Variants in CD200R1L observed in about 807,000 individuals in gnomAD.
CD200R1L encodes the protein CD200 receptor 1 like.
CD200R1L carries 14 observed loss-of-function variants against 24.8 expected under a neutral mutation model. The observed-to-expected ratio is 0.56, with a 90% confidence interval of 0.37 to 0.88. The LOEUF is 0.88. Ranked by LOEUF, CD200R1L falls within the 40% of genes least tolerant of loss-of-function variation. The pLI is 0.00. For synonymous variants in CD200R1L, 111 were observed against 109.2 expected, an observed-to-expected ratio of 1.02 and a Z score of -0.11; for missense variants, 299 against 297.8, an observed-to-expected ratio of 1.00 and a Z score of -0.03.
At chr3:112,834,915 A>C (rs1938895706) in intron 3 of CD200R1L, among the ~76,000 whole-genome samples, 1 of 152,238 alleles carries the variant, frequency 6.6e-6, no homozygotes, top group Non-Finnish European at 1.5e-5. Context: ...GGTGGTGCCC[A>C]GAAGCTTGGA....
intron 3 of CD200R1L, among the ~76,000 whole-genome samples, chr3:112,833,285 C>T (rs995955045): frequency 1.3e-5 from 2 of 152,108 alleles, no homozygotes; most frequent in African/African-American, 4.8e-5. Flanking sequence ...CCAGCCCTGA[C>T]AATAAGTTCA....
chr3:112,844,981 A>T (rs1939169095), intron 2 of CD200R1L, among the ~76,000 whole-genome samples: 1 of 152,116 alleles, frequency 6.6e-6, no homozygotes, highest in Admixed American at 6.6e-5. Flanking sequence ...GAAGAACTAG[A>T]AAAACAAGAA....
intron 2 of CD200R1L, 41 bp from the exon 3 acceptor site, chr3:112,838,051 AC>A: frequency 2.3e-6 from 2 of 878,960 alleles, no homozygotes; most frequent in Non-Finnish European, 3.1e-6. Flanking sequence ...AAAATTAAGA[AC>A]TTTTCTTTAC....
chr3:112,834,302 A>ACCTCGGCTC (rs1405111344), intron 3 of CD200R1L, among the ~76,000 whole-genome samples: 3 of 141,282 alleles, frequency 2.1e-5, no homozygotes, highest in Non-Finnish European at 4.5e-5. Flanking sequence ...CAGTGGCATG[A>ACCTCGGCTC]CCTCGGCTCA....
intron 3 of CD200R1L, among the ~76,000 whole-genome samples, chr3:112,834,868 C>T (rs1470476432): frequency 6.6e-6 from 1 of 152,228 alleles, no homozygotes; most frequent in African/African-American, 2.4e-5. Flanking sequence ...AAGGCTGCAG[C>T]TTGACAGGCA....
At chr3:112,825,294 G>A (rs968823010) in intron 6 of CD200R1L, among the ~76,000 whole-genome samples, 1 of 150,368 alleles carries the variant, frequency 6.7e-6, no homozygotes, top group Non-Finnish European at 1.5e-5. Context: ...AGGGAACAGA[G>A]GAATAGAAGC....
At chr3:112,818,264 A>C (rs1938443740) in intron 7 of CD200R1L, among the ~76,000 whole-genome samples, 1 of 152,216 alleles carries the variant, frequency 6.6e-6, no homozygotes, top group Admixed American at 6.5e-5. Flanking sequence ...TGGCCCTAGA[A>C]GATACAAGGA....
intron 6 of CD200R1L, 93 bp from the exon 7 acceptor site, chr3:112,819,988 T>A: frequency 8.2e-7 from 1 of 1,217,640 alleles, no homozygotes; most frequent in East Asian, 2.6e-5. Flanking sequence ...TAAAATATTC[T>A]TAAGAGTTCA....
intron 2 of CD200R1L, among the ~76,000 whole-genome samples, chr3:112,844,648 C>T (rs986863909): frequency 3.3e-5 from 5 of 152,106 alleles, no homozygotes; most frequent in South Asian, 2.1e-4. Context: ...TAGAAAAGGC[C>T]GCGCGTGGTG....
chr3:112,832,126 G>T (rs1459364639), intron 3 of CD200R1L, among the ~76,000 whole-genome samples: 1 of 152,128 alleles, frequency 6.6e-6, no homozygotes, highest in Admixed American at 6.5e-5. Flanking sequence ...AAGAACCTAT[G>T]ACCATGTGTT....
intron 3 of CD200R1L, among the ~76,000 whole-genome samples, chr3:112,830,103 G>T (rs1038505274): frequency 6.6e-6 from 1 of 152,148 alleles, no homozygotes; most frequent in Non-Finnish European, 1.5e-5. Flanking sequence ...CACTTCGGGG[G>T]AACTGCAGAA....
At chr3:112,824,089 T>C (rs942808747) in intron 6 of CD200R1L, among the ~76,000 whole-genome samples, 1 of 152,100 alleles carries the variant, frequency 6.6e-6, no homozygotes, top group Non-Finnish European at 1.5e-5. Flanking sequence ...ACAAGGACAT[T>C]GCAATAATCC....
At chr3:112,833,520 C>T (rs535496108) in intron 3 of CD200R1L, among the ~76,000 whole-genome samples, 29 of 152,254 alleles carry the variant, frequency 1.9e-4, no homozygotes, top group Middle Eastern at 3.4e-3. Flanking sequence ...AATGATCAGG[C>T]TCCTAAAACA....
At position 112,845,701 on chromosome 3, in the gene CD200R1L, A is replaced by T; in HGVS notation, c.-109T>A. 1 of 1,613,568 alleles carries T rather than the reference A, an allele frequency of 6.2e-7. No individual in the cohort carries two copies. The highest frequency in any genetic ancestry group is 8.5e-7 in the Non-Finnish European group (1 of 1,179,678). The stretch of plus-strand genomic sequence containing the variant: ...TACCAGACACCATGATAATGATGGA[A>T]ATCAGTAATCTTGGAGCTGACATCT... On this transcript the variant is annotated 5_prime_UTR_variant, in exon 2 of 8. Coordinates refer to ENST00000488794, the MANE Select transcript of CD200R1L (RefSeq NM_001199215.3).
chr3:112,838,266 A>G (rs1939003574), intron 2 of CD200R1L, among the ~76,000 whole-genome samples: 1 of 152,196 alleles, frequency 6.6e-6, no homozygotes, highest in African/African-American at 2.4e-5. Context: ...CAATGTTATT[A>G]TAACAGATCA....
chr3:112,843,059 C>T (rs557650587), intron 2 of CD200R1L, among the ~76,000 whole-genome samples: 14 of 152,110 alleles, frequency 9.2e-5, no homozygotes, highest in Non-Finnish European at 1.6e-4. Flanking sequence ...AGAGGACCAG[C>T]GGGTCTCCAA....
intron 3 of CD200R1L, among the ~76,000 whole-genome samples, chr3:112,834,274 G>C (rs1352962792): frequency 1.6e-5 from 2 of 124,316 alleles, no homozygotes; most frequent in Non-Finnish European, 3.2e-5. Context: ...GTCTCACTCT[G>C]TTGTCCAGGC....
intron 3 of CD200R1L, among the ~76,000 whole-genome samples, chr3:112,834,494 G>C (rs1469902066): frequency 6.6e-6 from 1 of 152,080 alleles, no homozygotes; most frequent in East Asian, 1.9e-4. Context: ...CTGTCCCCTA[G>C]TATACCAGTA....
At chr3:112,822,996 A>T (rs989338418) in intron 6 of CD200R1L, among the ~76,000 whole-genome samples, 11 of 152,232 alleles carry the variant, frequency 7.2e-5, no homozygotes, top group Admixed American at 3.9e-4. Flanking sequence ...CCTAACATGA[A>T]ATGTTAACTG....
Sources: allele counts gnomAD v4.1 joint callset (sites outside exome capture counted in the v4.1 genomes callset), GRCh38; gene constraint gnomAD v4.1.1; transcripts MANE v1.5; gene names NCBI Gene and HGNC (gene_info 2026-07-23, HGNC 2026-07-21).